The following CAMSAP2 variants were observed in gnomAD, a reference collection of about 807,000 sequenced individuals.
CAMSAP2 encodes the protein calmodulin regulated spectrin associated protein family member 2.
CAMSAP2 carries 26 observed loss-of-function variants against 146.1 expected under a neutral mutation model. The observed-to-expected ratio is 0.18, with a 90% confidence interval of 0.13 to 0.25. CAMSAP2 has a LOEUF of 0.25. Ranked by LOEUF, CAMSAP2 falls within the 10% of genes least tolerant of loss-of-function variation. The pLI, the probability that CAMSAP2 is intolerant of heterozygous loss-of-function variation, is 1.00. For synonymous variants in CAMSAP2, 499 were observed against 596.6 expected (o/e 0.84, Z 2.38); for missense variants, 1,381 against 1,759.3 (o/e 0.78, Z 3.85).
chr1:200,817,037 CATACACACGTGTATGTGT>C (rs1666577640), intron 4 of CAMSAP2, among the ~76,000 whole-genome samples: 1 of 141,616 alleles, frequency 7.1e-6, no homozygotes, highest in Non-Finnish European at 1.6e-5. Flanking sequence ...TGTATACCCA[CATACACACGTGTATGTGT>C]ATACACACAC....
In CAMSAP2 at chr1:200,849,960, C is replaced by T. The variant is rs745518117; in HGVS notation, c.3191C>T (p.Pro1064Leu). ...AATCCAGAAGAAAAGGAAATCAAAC[C>T]TTTTGAGTCAACAGTCTCTGAAGTC... is the stretch of plus-strand genomic sequence containing the variant. The part of the protein sequence containing the change: ...GHNPEEKEIK[P>L]FESTVSEVLS... The change falls in exon 11 of 17, where the codon CCT (proline) becomes CTT (leucine). Residue 1064 changes from proline to leucine, a missense_variant. Transcript: ENST00000358823. The surrounding 1 kb of genome is among the most constrained non-coding windows in gnomAD (Gnocchi z 6.3). 3.3e-5 allele frequency: 53 copies of T among 1,614,018 alleles called. No homozygotes were observed. Among genetic ancestry groups the T allele is most frequent in the Non-Finnish European group, 4.5e-5 (53 of 1,180,004 alleles).
rs1198152454 is a variant in CAMSAP2 at position 200,761,090 on chromosome 1, A to T, written c.391A>T (p.Ile131Leu). ...TGAACGAGATCTCCACAAGAAACCC[A>T]TACAGATGGTGAGTCTTTATATACC... Reference protein sequence around the residue: ...VTERDLHKKPIQMSAHLAMID... With the variant: ...VTERDLHKKPLQMSAHLAMID... Residue 131 changes from isoleucine (I) to leucine (L), a missense_variant, in exon 2 of 17, where the codon ATA (isoleucine) becomes TTA (leucine). Physicochemically the swap from Ile to Leu is conservative, Grantham distance 5. Transcript: ENST00000358823. 6.2e-7 allele frequency: 1 copy of T among 1,614,070 alleles called. No homozygotes were observed. The highest frequency in any genetic ancestry group is 2.2e-5 in the East Asian group (1 of 44,880).
At chr1:200,822,398 GCTTTT>G (rs1265357160) in intron 4 of CAMSAP2, among the ~76,000 whole-genome samples, 1 of 151,966 alleles carries the variant, frequency 6.6e-6, no homozygotes, top group Non-Finnish European at 1.5e-5. Context: ...CAGTTCTTTA[GCTTTT>G]CTTTTCTTTG....
chr1:200,833,822 C>T (rs939389751), intron 6 of CAMSAP2, among the ~76,000 whole-genome samples: 1 of 151,884 alleles, frequency 6.6e-6, no homozygotes, highest in Non-Finnish European at 1.5e-5. Flanking sequence ...GGTATCCTTG[C>T]GTATTTTTAT....
At chr1:200,785,242 T>A (rs1004685716) in intron 2 of CAMSAP2, among the ~76,000 whole-genome samples, 12 of 152,328 alleles carry the variant, frequency 7.9e-5, no homozygotes, top group African/African-American at 2.9e-4. Flanking sequence ...ATCAGGGTAA[T>A]ACTGTTTTTA....
chr1:200,765,111 AC>A (rs1482814063), intron 2 of CAMSAP2, among the ~76,000 whole-genome samples: 1 of 152,160 alleles, frequency 6.6e-6, no homozygotes, highest in Non-Finnish European at 1.5e-5. Flanking sequence ...CTCAAAAAAA[AC>A]AAAAAAACAA....
Position 200,857,383 on chromosome 1 carries a change from G to C in CAMSAP2, c.4090G>C (p.Ala1364Pro). Residue 1364 changes from alanine (A) to proline (P), a missense_variant, in exon 16 of 17, where the codon GCT (alanine) becomes CCT (proline). Coordinates refer to ENST00000358823, the MANE Select transcript of CAMSAP2 (RefSeq NM_203459.4). The surrounding 1 kb of genome is among the most constrained non-coding windows in gnomAD (Gnocchi z 4.7). ...IQNALAHCCL[A>P]GKVNEGQKKK... is the part of the protein sequence containing the mutation. ...AAATGCTTTAGCTCATTGCTGTTTG[G>C]CTGGAAAAGTAAATGAAGGTCAGAA... 1 of 1,613,582 alleles carries C rather than the reference G, an allele frequency of 6.2e-7. No individual in the cohort carries two copies. Among genetic ancestry groups the C allele is most frequent in the Non-Finnish European group, 8.5e-7 (1 of 1,179,686 alleles).
chr1:200,833,196 C>T (rs1018752838), intron 6 of CAMSAP2, among the ~76,000 whole-genome samples: 1 of 152,060 alleles, frequency 6.6e-6, no homozygotes, highest in African/African-American at 2.4e-5. Flanking sequence ...TAATTTTTTT[C>T]TCCTTATTTT....
intron 4 of CAMSAP2, chr1:200,828,673 T>C (rs1351703799): frequency 7.1e-7 from 1 of 1,406,628 alleles, no homozygotes; most frequent in Admixed American, 2.0e-5. Flanking sequence ...TGTTTATGTC[T>C]TGCTGTTAAA....
At position 200,826,532 on chromosome 1, in the gene CAMSAP2, C is replaced by CT. The variant is rs561489740; in HGVS notation, c.646-5668_646-5667insT. ...AAGGACCCCAACTCTTTGAGGTCTC[C>CT]AATAAAGACCACACCAAACCAATAT... On this transcript the variant is annotated intron_variant, in intron 4 of 16. Transcript: ENST00000358823. Among the ~76,000 whole-genome samples, 689 of 152,174 alleles carry CT rather than the reference C, an allele frequency of 4.5e-3. 8 individuals are homozygous for CT. Among genetic ancestry groups the CT allele is most frequent in the African/African-American group, 0.016 (662 of 41,508 alleles).
rs531907556 is a variant in CAMSAP2 at position 200,816,895 on chromosome 1, T to C, written c.645+1251T>C. Among the ~76,000 whole-genome samples the C allele has an allele frequency of 2.1e-3, 128 of 60,510 alleles. 29 individuals are homozygous for C. Among genetic ancestry groups the C allele is most frequent in the East Asian group, 7.2e-3 (6 of 836 alleles). The allele number at this position is 60,510 out of a possible 152,430, so 39.7% of individuals were successfully genotyped here. On this transcript the variant is annotated intron_variant, in intron 4 of 16. Coordinates refer to ENST00000358823, the MANE Select transcript of CAMSAP2 (RefSeq NM_203459.4). ...GTACACACACACGCGTGTGTATGTGTGTACACACACACGCGTGTGTATGTG... is the reference window on the plus strand; with the variant it reads ...GTACACACACACGCGTGTGTATGTGCGTACACACACACGCGTGTGTATGTG...
At position 200,812,189 on chromosome 1, in the gene CAMSAP2, A is replaced by C. The variant is rs918386652; in HGVS notation, c.562-3372A>C. Among the ~76,000 whole-genome samples the C allele has an allele frequency of 2.0e-5, 3 of 152,316 alleles. No individual in the cohort carries two copies. In the East Asian group the frequency reaches 5.8e-4, roughly 29 times the overall value. On this transcript the variant is annotated intron_variant, in intron 3 of 16. Coordinates refer to ENST00000358823, the MANE Select transcript of CAMSAP2 (RefSeq NM_203459.4). ...AGTCTATGTGAGGATAGGTACAATG[A>C]ACTTTTTATTTCTAGTGCCTACGAT...
At chr1:200,756,629 C>T (rs1389131823) in intron 1 of CAMSAP2, among the ~76,000 whole-genome samples, 3 of 152,064 alleles carry the variant, frequency 2.0e-5, no homozygotes, top group African/African-American at 7.2e-5. Context: ...AGAGGGATTG[C>T]TGTCACAGAA....
chr1:200,765,433 G>A (rs1370455339), intron 2 of CAMSAP2, among the ~76,000 whole-genome samples: 4 of 152,040 alleles, frequency 2.6e-5, no homozygotes, highest in African/African-American at 9.7e-5. Flanking sequence ...GTTTCACCAT[G>A]TTGGCCAGGC....
Position 200,774,353 on chromosome 1 carries a change from A to G in CAMSAP2, c.399+13255A>G, listed in dbSNP as rs1222442377. ...ATGCTCAGATTCCTTCTCAGCCTGT[A>G]CTGTTCCATGTTTGAAACAGTGTTA... On this transcript the variant is annotated intron_variant, in intron 2 of 16. Transcript: ENST00000358823. 7.2e-5 allele frequency among the ~76,000 whole-genome samples: 11 copies of G among 152,186 alleles called. No individual in the cohort carries two copies. In the East Asian group the frequency reaches 2.1e-3, roughly 29 times the overall value.
intron 1 of CAMSAP2, among the ~76,000 whole-genome samples, chr1:200,745,801 A>G (rs1664304693): frequency 6.6e-6 from 1 of 152,234 alleles, no homozygotes; most frequent in Non-Finnish European, 1.5e-5. Flanking sequence ...ATTGTTGACC[A>G]TGTGAACTTA....
chr1:200,760,610 C>G (rs1004235154), intron 1 of CAMSAP2, among the ~76,000 whole-genome samples: 2 of 152,074 alleles, frequency 1.3e-5, no homozygotes, highest in Admixed American at 1.3e-4. Context: ...GTCTTGTAGT[C>G]CCTTTTTGGA....
chr1:200,771,196 T>C (rs1158390431), intron 2 of CAMSAP2, among the ~76,000 whole-genome samples: 1 of 152,168 alleles, frequency 6.6e-6, no homozygotes, highest in Admixed American at 6.5e-5. Flanking sequence ...CTCACCTGAC[T>C]AAAGCATTAT....
chr1:200,801,053 C>T (rs1018270942), intron 2 of CAMSAP2, among the ~76,000 whole-genome samples: 5 of 152,090 alleles, frequency 3.3e-5, no homozygotes, highest in African/African-American at 9.7e-5. Context: ...ATCACAGGGT[C>T]GAGAGATTGA....
Sources: allele counts gnomAD v4.1 joint callset (sites outside exome capture counted in the v4.1 genomes callset), GRCh38; gene constraint gnomAD v4.1.1; non-coding constraint Gnocchi (gnomAD v3.1); transcripts MANE v1.5; gene names NCBI Gene and HGNC (gene_info 2026-07-23, HGNC 2026-07-21).